Variants in KLF8 observed in about 807,000 individuals in gnomAD.
The protein encoded by KLF8 is KLF transcription factor 8, also known as Krueppel-like factor 8.
KLF8 carries 10 observed loss-of-function variants against 18.2 expected under a neutral mutation model. The ratio of observed to expected loss-of-function variants is 0.55; its 90% CI spans 0.34 to 0.93. KLF8 has a LOEUF of 0.93. Ranked by LOEUF, KLF8 falls within the 40% of genes least tolerant of loss-of-function variation. The probability of loss-of-function intolerance (pLI) is 0.02; values close to 1 mark genes in which losing one functional copy is unlikely to be tolerated. For missense variants in KLF8, 264 were observed against 277.9 expected (o/e 0.95, Z 0.36); for synonymous variants, 109 against 97.3 (o/e 1.12, Z -0.71).
At chrX:56,033,875 T>C in the KLF8 span, among the ~76,000 whole-genome samples, 1 of 112,623 alleles carries the variant, frequency 8.9e-6, no homozygotes, top group African/African-American at 3.2e-5. Flanking sequence ...GTCATTTGTT[T>C]GAATACCTTA....
the KLF8 span, among the ~76,000 whole-genome samples, chrX:56,055,540 C>T: frequency 9.0e-6 from 1 of 111,447 alleles, no homozygotes; most frequent in Non-Finnish European, 1.9e-5. Context: ...GATTATGTTG[C>T]TTGGGGATGA....
the KLF8 span, among the ~76,000 whole-genome samples, chrX:55,945,190 G>C: frequency 1.9e-4 from 21 of 111,321 alleles, no homozygotes; most frequent in East Asian, 5.9e-3. Context: ...ACTGTGGTCT[G>C]AGAGACAGTT....
the KLF8 span, among the ~76,000 whole-genome samples, chrX:56,020,839 T>A: frequency 8.9e-6 from 1 of 112,169 alleles, no homozygotes; most frequent in Non-Finnish European, 1.9e-5. Flanking sequence ...CTTTTACCTA[T>A]AAGTATAGCT....
chrX:56,067,413 G>T, the KLF8 span, among the ~76,000 whole-genome samples: 1 of 110,145 alleles, frequency 9.1e-6, no homozygotes, highest in African/African-American at 3.3e-5. Context: ...TGAGTAATTG[G>T]GTCATTTTTA....
the KLF8 span, among the ~76,000 whole-genome samples, chrX:56,097,790 G>T: frequency 9.6e-6 from 1 of 104,115 alleles, no homozygotes; most frequent in Admixed American, 1.1e-4. Flanking sequence ...AGAAAATAGA[G>T]GAGAATTTTG....
the KLF8 span, among the ~76,000 whole-genome samples, chrX:55,971,461 A>T: frequency 9.0e-6 from 1 of 111,379 alleles, no homozygotes; most frequent in Non-Finnish European, 1.9e-5. Flanking sequence ...TGAAACTAGT[A>T]CAAGAAAACA....
chrX:56,125,537 T>G, the KLF8 span, among the ~76,000 whole-genome samples: 1 of 112,457 alleles, frequency 8.9e-6, no homozygotes. Flanking sequence ...CCTATCATTG[T>G]CTGGCATCTT....
chrX:56,107,864 C>T, the KLF8 span, among the ~76,000 whole-genome samples: 2 of 111,784 alleles, frequency 1.8e-5, no homozygotes, highest in Non-Finnish European at 3.8e-5. Context: ...GAACGGATCC[C>T]CGGTCCTCTT....
chrX:56,126,536 A>G, the KLF8 span, among the ~76,000 whole-genome samples: 3 of 111,038 alleles, frequency 2.7e-5, no homozygotes, highest in African/African-American at 9.8e-5. Context: ...ATATTATTCA[A>G]ACTGAAAGCC....
chrX:55,930,200 A>G, the KLF8 span, among the ~76,000 whole-genome samples: 1 of 111,776 alleles, frequency 8.9e-6, no homozygotes, highest in East Asian at 2.8e-4. Context: ...TTATTGTTGT[A>G]TAGGAATGCT....
the KLF8 span, among the ~76,000 whole-genome samples, chrX:56,170,097 A>G: frequency 9.0e-6 from 1 of 111,262 alleles, no homozygotes; most frequent in African/African-American, 3.3e-5. Flanking sequence ...AAGATGGTAC[A>G]TCTATTAGTC....
chrX:56,137,178 A>C, the KLF8 span, among the ~76,000 whole-genome samples: 2 of 109,834 alleles, frequency 1.8e-5, no homozygotes, highest in East Asian at 2.9e-4. Flanking sequence ...TAGTTCAACC[A>C]TTGTGGAAGT....
At chrX:56,052,698 G>A in the KLF8 span, among the ~76,000 whole-genome samples, 2 of 112,187 alleles carry the variant, frequency 1.8e-5, no homozygotes, top group Non-Finnish European at 3.8e-5. Flanking sequence ...ATTTAAGTCT[G>A]CAGAGGTGAC....
At chrX:56,152,453 CAGA>C in the KLF8 span, among the ~76,000 whole-genome samples, 1 of 110,786 alleles carries the variant, frequency 9.0e-6, no homozygotes, top group East Asian at 2.8e-4. Context: ...TTGAGACTTT[CAGA>C]AGAAGGGTTA....
At chrX:56,169,125 A>T in the KLF8 span, among the ~76,000 whole-genome samples, 1 of 111,171 alleles carries the variant, frequency 9.0e-6, no homozygotes, top group Non-Finnish European at 1.9e-5. Context: ...AAAGGGAATG[A>T]CCTGGTCCTG....
the KLF8 span, among the ~76,000 whole-genome samples, chrX:56,162,672 CT>C: frequency 8.9e-6 from 1 of 111,788 alleles, no homozygotes; most frequent in Non-Finnish European, 1.9e-5. Context: ...TCTGTCACCC[CT>C]GTCTTTGACT....
At chrX:55,998,161 C>T in the KLF8 span, among the ~76,000 whole-genome samples, 17 of 112,686 alleles carry the variant, frequency 1.5e-4, no homozygotes, top group Non-Finnish European at 3.0e-4. Context: ...AGCCCTAAGG[C>T]GGTTTTTCCC....
the KLF8 span, among the ~76,000 whole-genome samples, chrX:55,954,770 A>T: frequency 8.9e-6 from 1 of 112,039 alleles, no homozygotes; most frequent in South Asian, 3.7e-4. Flanking sequence ...ATAGCCAAGA[A>T]GCAGAAAAAA....
At chrX:56,205,401 T>C in the KLF8 span, among the ~76,000 whole-genome samples, 3 of 111,976 alleles carry the variant, frequency 2.7e-5, 1 homozygote. Flanking sequence ...ACACAGTTAA[T>C]GTCTGTCATA....
Sources: allele counts gnomAD v4.1 joint callset (sites outside exome capture counted in the v4.1 genomes callset), GRCh38; gene constraint gnomAD v4.1.1; transcripts MANE v1.5; gene names NCBI Gene and HGNC (gene_info 2026-07-23, HGNC 2026-07-21).